The following SLC13A1 variants were observed in gnomAD, a reference collection of about 807,000 sequenced individuals.
SLC13A1 encodes the protein Na(+)/sulfate cotransporter.
Under a neutral mutation model 70.0 loss-of-function variants are expected in SLC13A1, and 65 were observed. The observed-to-expected ratio is 0.93, with a 90% CI of 0.76 to 1.14. SLC13A1 has a LOEUF of 1.14. SLC13A1 is among the 50% of genes most tolerant of loss of function. The pLI is 0.00. For missense variants in SLC13A1, 726 were observed against 717.8 expected (o/e 1.01, Z -0.13); for synonymous variants, 275 against 250.5 (o/e 1.10, Z -0.92).
intron 2 of SLC13A1, among the ~76,000 whole-genome samples, chr7:123,180,382 A>C (rs571327991): frequency 6.6e-6 from 1 of 152,208 alleles, no homozygotes; most frequent in Admixed American, 6.5e-5. Context: ...TGTGGTTTAG[A>C]CAGTTGTTCA....
intron 7 of SLC13A1, among the ~76,000 whole-genome samples, chr7:123,136,684 G>A (rs1585311510): frequency 1.3e-5 from 2 of 152,138 alleles, no homozygotes; most frequent in South Asian, 4.1e-4. Context: ...GGGCTTTCAT[G>A]AACTTTATGT....
At chr7:123,155,823 C>G (rs1382559501) in intron 6 of SLC13A1, among the ~76,000 whole-genome samples, 1 of 152,080 alleles carries the variant, frequency 6.6e-6, no homozygotes, top group Non-Finnish European at 1.5e-5. Flanking sequence ...ATAGACTTGG[C>G]TCCTGGACCA....
At chr7:123,154,649 T>C (rs1794657729) in intron 6 of SLC13A1, among the ~76,000 whole-genome samples, 1 of 152,144 alleles carries the variant, frequency 6.6e-6, no homozygotes, top group Non-Finnish European at 1.5e-5. Context: ...TTAGAATATG[T>C]CTTTTCCTTC....
rs1793115612 is a variant in SLC13A1 at position 123,114,447 on chromosome 7, T to C, written c.*1071A>G. 6.6e-6 allele frequency: 1 copy of C among 152,154 alleles called. No individual in the cohort carries two copies. 9.4% of individuals were successfully genotyped at this position (152,154 alleles called of 1,614,324 possible). A position where few individuals can be genotyped will look rare whatever the true frequency, so the allele number is the denominator to read the frequency against. Reference sequence around the variant, plus strand: ...GTTTAAATGTTTAGTTTTTTCTTTTTGATTTGATTTTAAATCATTTATTTT... The same window carrying C: ...GTTTAAATGTTTAGTTTTTTCTTTTCGATTTGATTTTAAATCATTTATTTT... On this transcript the variant is annotated 3_prime_UTR_variant, in exon 15 of 15. Transcript: ENST00000194130.
chr7:123,196,903 C>T (rs1396770965), intron 1 of SLC13A1, among the ~76,000 whole-genome samples: 2 of 152,118 alleles, frequency 1.3e-5, no homozygotes, highest in African/African-American at 4.8e-5. Context: ...AGGATCCAAG[C>T]TCAAATTTAC....
chr7:123,148,756 T>G (rs545652914), intron 6 of SLC13A1, among the ~76,000 whole-genome samples: 15 of 152,258 alleles, frequency 9.9e-5, no homozygotes, highest in African/African-American at 3.1e-4. Context: ...CAGGCCTGCT[T>G]GAAAACCCAT....
chr7:123,194,113 T>C (rs2116682886), intron 1 of SLC13A1, among the ~76,000 whole-genome samples: 1 of 152,112 alleles, frequency 6.6e-6, no homozygotes, highest in East Asian at 1.9e-4. Flanking sequence ...GTTCTTGAGA[T>C]ATTTACAGTC....
At chr7:123,190,765 G>T (rs1241573948) in intron 1 of SLC13A1, among the ~76,000 whole-genome samples, 4 of 152,086 alleles carry the variant, frequency 2.6e-5, no homozygotes, top group African/African-American at 9.7e-5. Context: ...TTGCCCCTGG[G>T]GAAGCTGGTT....
chr7:123,114,161 C>T lies in SLC13A1; in HGVS notation c.*1357G>A, dbSNP rs1793105811. 6.7e-6 allele frequency: 1 copy of T among 149,716 alleles called. No homozygotes were observed. Among genetic ancestry groups the T allele is most frequent in the South Asian group, 2.1e-4 (1 of 4,734 alleles). The allele number at this position is 149,716 out of a possible 1,614,324, so 9.3% of individuals were successfully genotyped here. A position where few individuals can be genotyped will look rare whatever the true frequency, so the allele number is the denominator to read the frequency against. ...TGTTGTATTTTTAGCATGAGAATTGCTGTGATATAACATCTGCATCTTTTG... is the reference window on the plus strand; with the variant it reads ...TGTTGTATTTTTAGCATGAGAATTGTTGTGATATAACATCTGCATCTTTTG... On this transcript the variant is annotated 3_prime_UTR_variant, in exon 15 of 15. Coordinates refer to ENST00000194130, the MANE Select transcript of SLC13A1 (RefSeq NM_022444.4).
chr7:123,175,740 T>C (rs775742620), intron 2 of SLC13A1, among the ~76,000 whole-genome samples: 52 of 152,310 alleles, frequency 3.4e-4, no homozygotes, highest in Middle Eastern at 3.4e-3. Context: ...GTAATCTGAA[T>C]GGGCTAAGAT....
intron 1 of SLC13A1, among the ~76,000 whole-genome samples, chr7:123,197,465 T>C (rs1239339817): frequency 6.6e-6 from 1 of 152,128 alleles, no homozygotes; most frequent in Non-Finnish European, 1.5e-5. Flanking sequence ...TAAAGTAAAC[T>C]TCTCCTTAAA....
intron 6 of SLC13A1, among the ~76,000 whole-genome samples, chr7:123,165,249 T>C (rs1795031475): frequency 3.3e-5 from 5 of 152,250 alleles, no homozygotes; most frequent in South Asian, 4.1e-4. Flanking sequence ...AAGAATACTT[T>C]AGTGCAGCAA....
chr7:123,178,633 A>T (rs1467769534), intron 2 of SLC13A1, among the ~76,000 whole-genome samples: 1 of 152,128 alleles, frequency 6.6e-6, no homozygotes, highest in Non-Finnish European at 1.5e-5. Flanking sequence ...TCTTATGACT[A>T]AATCTCTAGC....
intron 12 of SLC13A1, among the ~76,000 whole-genome samples, chr7:123,120,289 T>C (rs1345629760): frequency 6.6e-6 from 1 of 152,098 alleles, no homozygotes; most frequent in Non-Finnish European, 1.5e-5. Flanking sequence ...TAAGAGTCTT[T>C]GCATGCTTGA....
chr7:123,130,737 G>A (rs1409680651), intron 8 of SLC13A1, among the ~76,000 whole-genome samples: 1 of 152,026 alleles, frequency 6.6e-6, no homozygotes, highest in East Asian at 1.9e-4. Flanking sequence ...TAAAAAAGAA[G>A]TAAAACTCTA....
chr7:123,149,340 T>C (rs1794474186), intron 6 of SLC13A1: 1 of 371,050 alleles, frequency 2.7e-6, no homozygotes, highest in African/African-American at 2.1e-5. Context: ...TTTTACTTTA[T>C]AATTTTTCAA....
chr7:123,150,314 C>T (rs1174756213), intron 6 of SLC13A1, among the ~76,000 whole-genome samples: 2 of 152,116 alleles, frequency 1.3e-5, no homozygotes, highest in Admixed American at 6.6e-5. Flanking sequence ...AACCTACTTG[C>T]ATTTGCCCCA....
intron 7 of SLC13A1, among the ~76,000 whole-genome samples, chr7:123,146,262 T>C (rs528285329): frequency 1.2e-3 from 186 of 152,302 alleles, no homozygotes; most frequent in African/African-American, 4.3e-3. Flanking sequence ...CAGGGGCTCA[T>C]GCCTATAATC....
chr7:123,168,340 A>G (rs1795138964), intron 6 of SLC13A1, 34 bp downstream of exon 6: 2 of 1,357,844 alleles, frequency 1.5e-6, no homozygotes, highest in South Asian at 1.3e-5. Flanking sequence ...ATAATTTTGT[A>G]TATAATTATT....
Sources: allele counts gnomAD v4.1 joint callset (sites outside exome capture counted in the v4.1 genomes callset), GRCh38; gene constraint gnomAD v4.1.1; transcripts MANE v1.5; gene names NCBI Gene and HGNC (gene_info 2026-07-23, HGNC 2026-07-21).